DPYD: variants seen among roughly 807,000 people sequenced by gnomAD.
The protein encoded by DPYD is dihydropyrimidine dehydrogenase, also known as dihydropyrimidine dehydrogenase [NADP(+)].
A neutral mutation model predicts 116.2 loss-of-function variants in DPYD; 109 were observed. The observed-to-expected ratio is 0.94, with a 90% CI of 0.80 to 1.10. The LOEUF (loss-of-function observed/expected upper bound fraction) is 1.10. DPYD is among the 50% of genes least tolerant of loss of function. DPYD has a pLI of 0.00. For missense variants in DPYD, 1,302 were observed against 1,254.5 expected (o/e 1.04, Z -0.57); for synonymous variants, 440 against 432.0 (o/e 1.02, Z -0.23).
intron 19 of DPYD, among the ~76,000 whole-genome samples, chr1:97,200,146 C>A (rs1490129008): frequency 6.6e-6 from 1 of 152,086 alleles, no homozygotes; most frequent in East Asian, 1.9e-4. Context: ...TAAAATATAA[C>A]AAAGTTTAAA....
intron 3 of DPYD, among the ~76,000 whole-genome samples, chr1:97,786,521 G>A (rs533151353): frequency 1.3e-5 from 2 of 152,162 alleles, no homozygotes; most frequent in East Asian, 3.9e-4. Flanking sequence ...TTATACCAAA[G>A]GACCATCCAT....
At chr1:97,382,597 A>G (rs931243929) in intron 14 of DPYD, 136 bp from the exon 15 acceptor site, 1 of 496,108 alleles carries the variant, frequency 2.0e-6, no homozygotes, top group Non-Finnish European at 3.4e-6. Context: ...AAAATAAATC[A>G]TTAGAAAATA....
chr1:97,209,860 G>A lies in DPYD; in HGVS notation c.2443-16612C>T, dbSNP rs200073949. On this transcript the variant is annotated intron_variant, in intron 19 of 22. Coordinates refer to ENST00000370192, the MANE Select transcript of DPYD (RefSeq NM_000110.4). ...ATCTTTAGACATATTATCTTCTTTC[G>A]TCTTACAAACACAGAATTGTTGATT... Among the ~76,000 whole-genome samples, 61 of 152,142 alleles carry A rather than the reference G, an allele frequency of 4.0e-4. No individual in the cohort carries two copies. The South Asian group carries it at 4.6e-3, about 11-fold the overall frequency.
At chr1:97,105,935 T>G (rs1488138976) in intron 20 of DPYD, among the ~76,000 whole-genome samples, 1 of 152,142 alleles carries the variant, frequency 6.6e-6, no homozygotes, top group Non-Finnish European at 1.5e-5. Flanking sequence ...TATCCTTATA[T>G]GGCTAAAATA....
chr1:97,178,331 C>G (rs1277407789), intron 20 of DPYD, among the ~76,000 whole-genome samples: 2 of 152,082 alleles, frequency 1.3e-5, no homozygotes, highest in Non-Finnish European at 2.9e-5. Context: ...AAAGACATAA[C>G]AGAGACTGGG....
chr1:97,812,906 C>A (rs888563499), intron 3 of DPYD, among the ~76,000 whole-genome samples: 10 of 151,980 alleles, frequency 6.6e-5, no homozygotes, highest in Non-Finnish European at 1.2e-4. Flanking sequence ...TAAAAACAGA[C>A]AGGTACTTTG....
chr1:97,463,145 G>C (rs982259121), intron 13 of DPYD, among the ~76,000 whole-genome samples: 1 of 152,134 alleles, frequency 6.6e-6, no homozygotes, highest in Non-Finnish European at 1.5e-5. Context: ...AAAATGTGTT[G>C]ATATAATTTG....
intron 11 of DPYD, among the ~76,000 whole-genome samples, chr1:97,556,066 G>T (rs550616311): frequency 6.6e-6 from 1 of 152,302 alleles, no homozygotes; most frequent in South Asian, 2.1e-4. Context: ...GCCTGAAATA[G>T]GGTGAGGTGA....
chr1:97,218,083 T>C (rs1015564861), intron 19 of DPYD, among the ~76,000 whole-genome samples: 3 of 152,176 alleles, frequency 2.0e-5, no homozygotes, highest in South Asian at 2.1e-4. Context: ...ACTACCATAG[T>C]ATACATGACA....
At chr1:97,218,504 C>T (rs1249238940) in intron 19 of DPYD, among the ~76,000 whole-genome samples, 1 of 151,180 alleles carries the variant, frequency 6.6e-6, no homozygotes, top group African/African-American at 2.4e-5. Context: ...GGAGTCATTC[C>T]CGTCTAGCTA....
At chr1:97,658,662 C>T (rs1184526688) in intron 8 of DPYD, among the ~76,000 whole-genome samples, 1 of 152,240 alleles carries the variant, frequency 6.6e-6, no homozygotes, top group East Asian at 1.9e-4. Context: ...AACCTCTGTC[C>T]AGCCCATCTC....
intron 20 of DPYD, among the ~76,000 whole-genome samples, chr1:97,170,410 T>G (rs1039897539): frequency 9.2e-5 from 14 of 152,316 alleles, no homozygotes; most frequent in Admixed American, 6.5e-4. Flanking sequence ...ACTGCCTAGA[T>G]AGCTGATTTT....
intron 13 of DPYD, among the ~76,000 whole-genome samples, chr1:97,503,883 A>T (rs1005180782): frequency 1.3e-5 from 2 of 152,076 alleles, no homozygotes; most frequent in African/African-American, 4.8e-5. Flanking sequence ...CATAAGTAAA[A>T]TTCAATATGG....
chr1:97,739,013 T>C (rs1175969260), intron 4 of DPYD, among the ~76,000 whole-genome samples: 1 of 152,048 alleles, frequency 6.6e-6, no homozygotes, highest in East Asian at 1.9e-4. Context: ...GTAGCATGGA[T>C]CTTGTAAGAT....
At position 97,622,745 on chromosome 1, in the gene DPYD, T is replaced by C. The variant is rs552154952; in HGVS notation, c.851-27579A>G. Among the ~76,000 whole-genome samples the C allele has an allele frequency of 4.6e-5, 7 of 152,174 alleles. No individual in the cohort carries two copies. The South Asian group carries it at 1.5e-3, about 32-fold the overall frequency. Reference sequence around the variant, plus strand: ...AACTGTTCTAAAATAAAAAAGTTTATTTAAAAAGATACCGAGGAATAAAAG... The same window carrying C: ...AACTGTTCTAAAATAAAAAAGTTTACTTAAAAAGATACCGAGGAATAAAAG... On this transcript the variant is annotated intron_variant, in intron 8 of 22. Coordinates refer to ENST00000370192, the MANE Select transcript of DPYD (RefSeq NM_000110.4).
intron 8 of DPYD, among the ~76,000 whole-genome samples, chr1:97,607,371 C>T (rs768232844): frequency 6.6e-6 from 1 of 151,704 alleles, no homozygotes; most frequent in African/African-American, 2.4e-5. Context: ...TTCTACTGCA[C>T]TGTGATTCAG....
chr1:97,902,479 T>C (rs1372957825), intron 1 of DPYD, among the ~76,000 whole-genome samples: 1 of 151,810 alleles, frequency 6.6e-6, no homozygotes, highest in Non-Finnish European at 1.5e-5. Context: ...TGGGTAAAAC[T>C]GGTTTTCTTT....
chr1:97,621,711 C>A (rs768883375), intron 8 of DPYD, among the ~76,000 whole-genome samples: 6 of 151,978 alleles, frequency 3.9e-5, no homozygotes, highest in Admixed American at 2.6e-4. Context: ...TAAAAGAAAT[C>A]AGGGCCCCCT....
chr1:97,571,783 GAC>G (rs749667479), intron 11 of DPYD, among the ~76,000 whole-genome samples: 5 of 151,864 alleles, frequency 3.3e-5, no homozygotes, highest in Non-Finnish European at 5.9e-5. Context: ...GTGTGCACAT[GAC>G]AGTTTTCTGA....
Sources: gnomAD v4.1 joint callset for allele counts (sites outside exome capture counted in the v4.1 genomes callset) on GRCh38, gnomAD v4.1.1 for gene constraint, MANE v1.5 for transcripts, NCBI Gene and HGNC (gene_info 2026-07-23, HGNC 2026-07-21) for gene names.